FANCD2: variants seen among roughly 807,000 people sequenced by gnomAD.
FANCD2 encodes Fanconi anemia group D2 protein.
Under a neutral mutation model 192.3 loss-of-function variants are expected in FANCD2, and 131 were observed. That is an observed-to-expected ratio of 0.68 (90% CI 0.59 to 0.79). The LOEUF (loss-of-function observed/expected upper bound fraction) is 0.79. Ranked by LOEUF, FANCD2 falls within the 30% of genes least tolerant of loss-of-function variation. The pLI, the probability that FANCD2 is intolerant of heterozygous loss-of-function variation, is 0.00. For missense variants in FANCD2, 1,508 were observed against 1,701.6 expected (o/e 0.89, Z 2.00); for synonymous variants, 524 against 612.5 (o/e 0.86, Z 2.13).
At chr3:10,055,380 T>TC (rs1394224041) in intron 18 of FANCD2, among the ~76,000 whole-genome samples, 1 of 152,164 alleles carries the variant, frequency 6.6e-6, no homozygotes, top group African/African-American at 2.4e-5. Flanking sequence ...ATGGATTTGT[T>TC]CATTCTAGAT....
chr3:10,062,025 C>T (rs748816349), intron 19 of FANCD2, 126 bp from the exon 20 acceptor site: 5 of 598,010 alleles, frequency 8.4e-6, no homozygotes, highest in Non-Finnish European at 1.2e-5. Context: ...TGCTAAATGA[C>T]GAGTTAATGG....
intron 25 of FANCD2, 100 bp from the exon 26 acceptor site, chr3:10,067,109 T>A: frequency 1.2e-6 from 1 of 810,620 alleles, no homozygotes; most frequent in South Asian, 1.5e-5. Flanking sequence ...AACTCAAAGA[T>A]CTTGCTTTTC....
intron 26 of FANCD2, among the ~76,000 whole-genome samples, chr3:10,067,779 CAG>C (rs754471271): frequency 4.6e-5 from 7 of 152,150 alleles, no homozygotes; most frequent in East Asian, 1.9e-4. Context: ...GCCTGGGTGA[CAG>C]AGCGAGACTC....
At chr3:10,057,987 CT>C in intron 18 of FANCD2, 19 of 409,444 alleles carry the variant, frequency 4.6e-5, no homozygotes, top group East Asian at 1.2e-4. Context: ...TCATTAGTAG[CT>C]TTTTTGAGTT....
chr3:10,037,296 G>A (rs1448410803), intron 7 of FANCD2, among the ~76,000 whole-genome samples: 1 of 152,140 alleles, frequency 6.6e-6, no homozygotes, highest in Admixed American at 6.6e-5. Flanking sequence ...TATCAAAATA[G>A]TAAATAATAA....
Position 10,039,774 on chromosome 3 carries a change from G to T in FANCD2, c.624G>T (p.Gln208His), listed in dbSNP as rs1160774821. The T allele has an allele frequency of 3.7e-6, 6 of 1,613,952 alleles. No individual in the cohort carries two copies. The highest frequency in any genetic ancestry group is 3.4e-6 in the Non-Finnish European group (4 of 1,180,010). Residue 208 changes from glutamine (Q) to histidine (H), a missense_variant, in exon 9 of 44, where the codon CAG becomes CAT. By Grantham distance (24) the Gln-to-His change is conservative. Transcript: ENST00000675286. The stretch of plus-strand genomic sequence containing the variant: ...TCAGTATTGCTCCAGAGAACCTGCA[G>T]CATGACATCATCACCAGCCTACCTG... ...QLISIAPENL[Q>H]HDIITSLPEI...
chr3:10,085,973 A>G, intron 33 of FANCD2, 51 bp downstream of exon 33: 1 of 1,273,978 alleles, frequency 7.8e-7, no homozygotes, highest in Non-Finnish European at 1.1e-6. Flanking sequence ...ACTCCTAGGA[A>G]CAGGATTGGC....
At chr3:10,036,222 G>A (rs1382661975) in intron 6 of FANCD2, 65 bp from the exon 7 acceptor site, 7 of 1,385,578 alleles carry the variant, frequency 5.1e-6, no homozygotes, top group Non-Finnish European at 7.2e-6. Context: ...CCAAGTAGCT[G>A]GGATTATACA....
At chr3:10,056,852 A>G (rs1482716202) in intron 18 of FANCD2, among the ~76,000 whole-genome samples, 2 of 151,748 alleles carry the variant, frequency 1.3e-5, no homozygotes, top group Non-Finnish European at 2.9e-5. Flanking sequence ...TCCTTTACCC[A>G]TTTTTGTTTG....
intron 42 of FANCD2, among the ~76,000 whole-genome samples, chr3:10,097,636 C>T (rs1221697965): frequency 6.6e-6 from 1 of 152,164 alleles, no homozygotes; most frequent in Non-Finnish European, 1.5e-5. Flanking sequence ...ATTGCTCAAA[C>T]ACACATGCTG....
chr3:10,029,950 A>AT lies in FANCD2; in HGVS notation c.64+1236dup, dbSNP rs574569158. Among the ~76,000 whole-genome samples, 18 of 151,554 alleles carry AT rather than the reference A, an allele frequency of 1.2e-4. No individual in the cohort carries two copies. In the South Asian group the frequency reaches 3.8e-3, roughly 32 times the overall value. ...AGGCGCCAGCCACCATGCCCGGCTG[A>AT]TTTTTTTGTATCTTTAGTAGAGACG... On this transcript the variant is annotated intron_variant, in intron 2 of 43. Transcript: ENST00000675286.
At chr3:10,027,952 C>T (rs1288221821) in intron 1 of FANCD2, among the ~76,000 whole-genome samples, 5 of 151,000 alleles carry the variant, frequency 3.3e-5, no homozygotes, top group Non-Finnish European at 5.9e-5. Flanking sequence ...GCGGCTCACA[C>T]CTGTAATCCC....
At chr3:10,080,980 C>G (rs1693800468) in intron 30 of FANCD2, 120 bp from the exon 31 acceptor site, 1 of 1,067,622 alleles carries the variant, frequency 9.4e-7, no homozygotes, top group Non-Finnish European at 1.4e-6. Context: ...AGGTTAACAA[C>G]TCATTTCTCC....
At chr3:10,083,233 A>T (rs1693955077) in intron 32 of FANCD2, among the ~76,000 whole-genome samples, 1 of 152,236 alleles carries the variant, frequency 6.6e-6, no homozygotes, top group Admixed American at 6.5e-5. Context: ...TCTCAAAAAA[A>T]AAAAAATCTG....
At chr3:10,026,858 G>C (rs1403473155) in intron 1 of FANCD2, among the ~76,000 whole-genome samples, 2 of 152,226 alleles carry the variant, frequency 1.3e-5, no homozygotes, top group East Asian at 3.9e-4. Flanking sequence ...AACCGAAGCG[G>C]CGATAAATAA....
At chr3:10,033,003 G>T (rs2086641165) in intron 3 of FANCD2, 31 bp downstream of exon 3, 1 of 1,505,048 alleles carries the variant, frequency 6.6e-7, no homozygotes, top group Non-Finnish European at 9.2e-7. Context: ...TATTCTCTGG[G>T]TTTAATGAAA....
chr3:10,085,348 T>C (rs1481291225), intron 32 of FANCD2, among the ~76,000 whole-genome samples: 2 of 152,134 alleles, frequency 1.3e-5, no homozygotes, highest in African/African-American at 4.8e-5. Flanking sequence ...TGATTGAATT[T>C]GGTACTTCAG....
intron 18 of FANCD2, among the ~76,000 whole-genome samples, chr3:10,054,411 GTATATACA>G (rs1559383237): frequency 4.5e-5 from 3 of 66,860 alleles, no homozygotes; most frequent in South Asian, 4.4e-4. Context: ...ATGTATATAC[GTATATACA>G]TATATACATG....
At position 10,027,473 on chromosome 3, in the gene FANCD2, A is replaced by G. The variant is rs113076874; in HGVS notation, c.-34+1000A>G. Among the ~76,000 whole-genome samples, 683 of 152,264 alleles carry G rather than the reference A, an allele frequency of 4.5e-3. 4 individuals carry two copies. The highest frequency in any genetic ancestry group is 0.016 in the African/African-American group (659 of 41,530). On this transcript the variant is annotated intron_variant, in intron 1 of 43. Coordinates refer to ENST00000675286, the MANE Select transcript of FANCD2 (RefSeq NM_001018115.3). Reference sequence around the variant, plus strand: ...GATTAAAAGGTCATGTGATTCAGGCACTTCCCCCACCTCTGCTGTCTGATT... The same window carrying G: ...GATTAAAAGGTCATGTGATTCAGGCGCTTCCCCCACCTCTGCTGTCTGATT...
Sources: gnomAD v4.1 joint callset for allele counts (sites outside exome capture counted in the v4.1 genomes callset) on GRCh38, gnomAD v4.1.1 for gene constraint, MANE v1.5 for transcripts, NCBI Gene and HGNC (gene_info 2026-07-23, HGNC 2026-07-21) for gene names.